LRPPRC: variants seen among roughly 807,000 people sequenced by gnomAD.
LRPPRC encodes the protein leucine rich pentatricopeptide repeat containing, also known as leucine-rich PPR motif-containing protein, mitochondrial.
In LRPPRC, 120 loss-of-function variants were observed where a neutral mutation model predicts 180.3. That is an observed-to-expected ratio of 0.67 (90% CI 0.57 to 0.77). LRPPRC has a LOEUF of 0.77. Among genes scored for constraint, LRPPRC ranks in the 30% least tolerant of loss-of-function variants. The pLI is 0.00. For missense variants in LRPPRC, 2,012 were observed against 1,657.2 expected, an observed-to-expected ratio of 1.21 and a Z score of -3.72; for synonymous variants, 723 against 600.0, an observed-to-expected ratio of 1.21 and a Z score of -3.00.
Position 43,903,587 on chromosome 2 carries a change from G to A in LRPPRC, c.3365-2063C>T, listed in dbSNP as rs543447997. Reference sequence around the variant, plus strand: ...GTGCTCAGGGAGGGGGGTGGGGTGGGGGTGGGGGAGGTAGTGCAGGAACAG... The same window carrying A: ...GTGCTCAGGGAGGGGGGTGGGGTGGAGGTGGGGGAGGTAGTGCAGGAACAG... On this transcript the variant is annotated intron_variant, in intron 31 of 37. Coordinates refer to ENST00000260665, the MANE Select transcript of LRPPRC (RefSeq NM_133259.4). The A allele has an allele frequency of 4.0e-5, 6 of 150,820 alleles. No homozygotes were observed. The South Asian group carries it at 1.3e-3, about 32-fold the overall frequency. 9.3% of individuals were successfully genotyped at this position (150,820 alleles called of 1,614,324 possible).
intron 1 of LRPPRC, among the ~76,000 whole-genome samples, chr2:43,987,656 G>C (rs1044623749): frequency 1.3e-5 from 2 of 152,086 alleles, no homozygotes; most frequent in African/African-American, 4.8e-5. Flanking sequence ...TGAGTGCTTA[G>C]ATGTCTGAGG....
At chr2:43,985,205 ATTT>A (rs372628150) in intron 1 of LRPPRC, among the ~76,000 whole-genome samples, 1 of 152,076 alleles carries the variant, frequency 6.6e-6, no homozygotes, top group Admixed American at 6.6e-5. Flanking sequence ...AAAACCCACA[ATTT>A]TTTAGTGTTT....
intron 13 of LRPPRC, 149 bp from the exon 14 acceptor site, chr2:43,957,600 T>G: frequency 1.5e-6 from 1 of 680,498 alleles, no homozygotes; most frequent in Non-Finnish European, 2.6e-6. Context: ...CATACAAAAT[T>G]AGACAATGCA....
At chr2:43,930,087 AG>A (rs1365662762) in intron 25 of LRPPRC, among the ~76,000 whole-genome samples, 1 of 152,200 alleles carries the variant, frequency 6.6e-6, no homozygotes, top group African/African-American at 2.4e-5. Context: ...AAAGAACAAA[AG>A]GAAGAGTAAC....
intron 11 of LRPPRC, among the ~76,000 whole-genome samples, chr2:43,966,515 A>G (rs1053299306): frequency 6.6e-6 from 1 of 151,576 alleles, no homozygotes; most frequent in African/African-American, 2.4e-5. Flanking sequence ...GGTTCAAGCG[A>G]TTCTTCTGCC....
chr2:43,934,353 GTATCATA>G (rs1368342081), intron 24 of LRPPRC, 57 bp from the exon 25 acceptor site: 2 of 802,434 alleles, frequency 2.5e-6, no homozygotes, highest in Non-Finnish European at 4.2e-6. Flanking sequence ...CAGAAAAACA[GTATCATA>G]TGAAGTTCCA....
intron 1 of LRPPRC, among the ~76,000 whole-genome samples, chr2:43,994,105 C>T (rs1049079164): frequency 2.6e-5 from 4 of 151,984 alleles, no homozygotes; most frequent in African/African-American, 9.7e-5. Flanking sequence ...CCTGGCCTCA[C>T]AGAAATGCTG....
chr2:43,966,181 C>T (rs1191206136), intron 11 of LRPPRC, among the ~76,000 whole-genome samples: 1 of 151,550 alleles, frequency 6.6e-6, no homozygotes, highest in African/African-American at 2.4e-5. Context: ...GAAGCACATG[C>T]TAAGTGAAAT....
rs1670281169 is a variant in LRPPRC at position 43,886,703 on chromosome 2, T to G, written c.*1897A>C. 6.6e-6 allele frequency: 1 copy of G among 152,194 alleles called. No individual in the cohort carries two copies. Among genetic ancestry groups the G allele is most frequent in the Non-Finnish European group, 1.5e-5 (1 of 68,052 alleles). The allele number at this position is 152,194 out of a possible 1,614,324, so 9.4% of individuals were successfully genotyped here. A position where few individuals can be genotyped will look rare whatever the true frequency, so the allele number is the denominator to read the frequency against. On this transcript the variant is annotated 3_prime_UTR_variant, in exon 38 of 38. Coordinates refer to ENST00000260665, the MANE Select transcript of LRPPRC (RefSeq NM_133259.4). ...CTTTCAGTTTCCCCAAAAAGATGAC[T>G]GCGAAATCCAGATTACACCCCAACG...
intron 14 of LRPPRC, among the ~76,000 whole-genome samples, chr2:43,952,983 G>GCTAC (rs1304381114): frequency 6.6e-6 from 1 of 152,116 alleles, no homozygotes; most frequent in Non-Finnish European, 1.5e-5. Context: ...AGACCCCTGG[G>GCTAC]CTACCATTTT....
chr2:43,973,709 C>G lies in LRPPRC; in HGVS notation c.1267G>C (p.Ala423Pro). The G allele has an allele frequency of 6.2e-7, 1 of 1,611,062 alleles. No homozygotes were observed. Among genetic ancestry groups the G allele is most frequent in the Non-Finnish European group, 8.5e-7 (1 of 1,177,214 alleles). The change falls in exon 11 of 38, where the codon GCA (alanine) becomes CCA (proline). Residue 423 changes from alanine to proline, a missense_variant. By Grantham distance (27) the Ala-to-Pro change is conservative (BLOSUM62 -1). Transcript: ENST00000260665. The stretch of plus-strand genomic sequence containing the variant: ...TTCACAGCCTTCATTAAGGCTTTTG[C>G]CAAATCTGAAAGAGATATCATAAAA... ...CALLANKTDL[A>P]KALMKAVKEE...
chr2:43,973,586 C>T (rs771103855), intron 11 of LRPPRC, 21 bp downstream of exon 11: 79 of 1,522,042 alleles, frequency 5.2e-5, no homozygotes, highest in Non-Finnish European at 6.8e-5. Context: ...CATTACAAAT[C>T]GGTAAAAGGC....
intron 19 of LRPPRC, 32 bp downstream of exon 19, chr2:43,947,699 A>G (rs1317803449): frequency 1.6e-6 from 2 of 1,275,874 alleles, no homozygotes; most frequent in Non-Finnish European, 2.3e-6. Flanking sequence ...TGGGTATTAT[A>G]GCATGTAGAA....
At chr2:43,938,131 C>A (rs1221753093) in intron 23 of LRPPRC, among the ~76,000 whole-genome samples, 1 of 151,786 alleles carries the variant, frequency 6.6e-6, no homozygotes, top group Non-Finnish European at 1.5e-5. Flanking sequence ...TTAGTCAATG[C>A]TTTCACAAAT....
In LRPPRC at chr2:43,918,326, T is replaced by C. The variant is rs539153780; in HGVS notation, c.2969A>G (p.Glu990Gly). 6.2e-7 allele frequency: 1 copy of C among 1,609,658 alleles called. No individual in the cohort carries two copies. The highest frequency in any genetic ancestry group is 2.2e-5 in the East Asian group (1 of 44,832). The change falls in exon 28 of 38, where the codon GAA becomes GGA. Residue 990 changes from glutamate to glycine, a missense_variant. Physicochemically the swap from Glu to Gly is moderately conservative, Grantham distance 98. Transcript: ENST00000260665. ...KIQEENVIPR[E>G]KTLRLLAEIL... ...TTCTGCTAATAATCTTAATGTCTTT[T>C]CACGAGGAATAACATTTTCTTCTTG...
chr2:43,907,261 A>G (rs961231289), intron 30 of LRPPRC, among the ~76,000 whole-genome samples: 11 of 152,334 alleles, frequency 7.2e-5, no homozygotes, highest in African/African-American at 2.6e-4. Flanking sequence ...AATATCAGGA[A>G]GAAGAAACCC....
intron 30 of LRPPRC, among the ~76,000 whole-genome samples, chr2:43,909,457 G>A (rs1033091501): frequency 2.6e-5 from 4 of 152,048 alleles, no homozygotes; most frequent in African/African-American, 9.7e-5. Flanking sequence ...GAAATGAGGA[G>A]ATAATGGTTA....
chr2:43,910,760 T>A (rs1304591138), intron 30 of LRPPRC, among the ~76,000 whole-genome samples: 1 of 152,106 alleles, frequency 6.6e-6, no homozygotes, highest in Non-Finnish European at 1.5e-5. Flanking sequence ...CTGAGAGGAA[T>A]CTTCTTATGC....
intron 23 of LRPPRC, among the ~76,000 whole-genome samples, chr2:43,936,709 C>T (rs746462281): frequency 6.6e-6 from 1 of 152,196 alleles, no homozygotes; most frequent in Admixed American, 6.5e-5. Flanking sequence ...CTTACCTTAT[C>T]CCCTTACTAA....
Sources: allele counts gnomAD v4.1 joint callset (sites outside exome capture counted in the v4.1 genomes callset), GRCh38; gene constraint gnomAD v4.1.1; transcripts MANE v1.5; gene names NCBI Gene and HGNC (gene_info 2026-07-23, HGNC 2026-07-21).